The following HOXC4 variants were observed in gnomAD, a reference collection of about 807,000 sequenced individuals.
HOXC4 encodes the protein homeobox C4.
In HOXC4, 15 loss-of-function variants were observed where a neutral mutation model predicts 25.5. That is an observed-to-expected ratio of 0.59 (90% CI 0.39 to 0.91). HOXC4 has a LOEUF of 0.91. Ranked by LOEUF, HOXC4 falls within the 40% of genes least tolerant of loss-of-function variation. HOXC4 has a pLI of 0.00. For synonymous variants in HOXC4, 165 were observed against 148.0 expected (o/e 1.11, Z -0.83); for missense variants, 342 against 352.4 (o/e 0.97, Z 0.24).
intron 1 of HOXC4, among the ~76,000 whole-genome samples, chr12:54,033,733 G>C (rs1246926200): frequency 2.0e-5 from 3 of 152,236 alleles, no homozygotes; most frequent in Non-Finnish European, 4.4e-5. Flanking sequence ...GGCTGTGTGC[G>C]CCCAAATTTA....
chr12:54,028,824 T>C (rs2136436580), intron 1 of HOXC4: 1 of 1,613,846 alleles, frequency 6.2e-7, no homozygotes, highest in African/African-American at 1.3e-5. Context: ...CCTCAATCGC[T>C]CAGGATTTTA....
At chr12:54,038,700 CT>C (rs2136454647) in intron 1 of HOXC4, among the ~76,000 whole-genome samples, 1 of 152,290 alleles carries the variant, frequency 6.6e-6, no homozygotes, top group East Asian at 1.9e-4. Flanking sequence ...CTGCTTGGGT[CT>C]TCCTGGCATT....
At chr12:54,053,163 G>A (rs923123056), upstream of HOXC4, 12 of 152,334 alleles carry the variant, frequency 7.9e-5, no homozygotes, top group Admixed American at 7.9e-4. Flanking sequence ...TCTTCAGCGG[G>A]GGCTCAACCC....
chr12:54,036,683 T>C (rs1941190522), intron 1 of HOXC4, among the ~76,000 whole-genome samples: 1 of 152,184 alleles, frequency 6.6e-6, no homozygotes, highest in South Asian at 2.1e-4. Context: ...GTGCTCTCTC[T>C]CTCTCTCTCT....
intron 1 of HOXC4, chr12:54,034,749 A>G: frequency 2.0e-6 from 1 of 488,570 alleles, no homozygotes; most frequent in Non-Finnish European, 3.7e-6. Context: ...CAAGCTCCGC[A>G]GGACTTCCCC....
chr12:54,038,570 A>G (rs748052708), intron 1 of HOXC4, among the ~76,000 whole-genome samples: 4 of 152,184 alleles, frequency 2.6e-5, no homozygotes, highest in Admixed American at 1.3e-4. Context: ...CAGAGGTCCC[A>G]GAGTGCCCCC....
At chr12:54,033,821 A>T (rs944679140) in intron 1 of HOXC4, 51 of 554,028 alleles carry the variant, frequency 9.2e-5, no homozygotes, top group East Asian at 5.2e-4. Context: ...GGAGGGAGTT[A>T]AAAAAATAGA....
chr12:54,030,122 A>C, intron 1 of HOXC4: 7 of 642,494 alleles, frequency 1.1e-5, no homozygotes, highest in Middle Eastern at 2.6e-4. Flanking sequence ...TCAGCTCTGG[A>C]CCCCCTCCCT....
At chr12:54,053,822 A>G, upstream of HOXC4, 1 of 871,612 alleles carries the variant, frequency 1.1e-6, no homozygotes, top group Non-Finnish European at 1.8e-6. Context: ...CGGAGGAGTC[A>G]CATGGTGAAA....
At chr12:54,041,125 A>G (rs1161418425) in intron 1 of HOXC4, among the ~76,000 whole-genome samples, 1 of 152,276 alleles carries the variant, frequency 6.6e-6, no homozygotes, top group African/African-American at 2.4e-5. Context: ...AGGTACAGCC[A>G]CTGAAGGTGT....
chr12:54,033,864 G>C, intron 1 of HOXC4: 1 of 499,444 alleles, frequency 2.0e-6, no homozygotes, highest in Admixed American at 3.7e-5. Context: ...CGGGGCTCCA[G>C]AGCGGGGATC....
intron 1 of HOXC4, among the ~76,000 whole-genome samples, chr12:54,018,299 G>A (rs1416307631): frequency 1.3e-5 from 2 of 152,242 alleles, no homozygotes; most frequent in African/African-American, 4.8e-5. Flanking sequence ...GGACCGGGAT[G>A]CCCGCTCGCC....
intron 1 of HOXC4, among the ~76,000 whole-genome samples, chr12:54,035,820 G>C (rs1484821123): frequency 5.9e-5 from 9 of 152,112 alleles, no homozygotes; most frequent in Non-Finnish European, 4.4e-5. Flanking sequence ...GGACCCATTT[G>C]GTCTCATAAG....
chr12:54,042,337 G>A (rs921010674), intron 1 of HOXC4, among the ~76,000 whole-genome samples: 1 of 152,152 alleles, frequency 6.6e-6, no homozygotes, highest in Non-Finnish European at 1.5e-5. Context: ...CCAGTGAATG[G>A]TGTGGCAGAT....
chr12:54,025,784 C>A (rs1029879267), intron 1 of HOXC4, among the ~76,000 whole-genome samples: 7 of 152,080 alleles, frequency 4.6e-5, no homozygotes, highest in Admixed American at 2.0e-4. Context: ...CCTGAGCCCA[C>A]CGACTTTAGG....
chr12:54,029,702 CG>C, intron 1 of HOXC4: 10 of 1,614,080 alleles, frequency 6.2e-6, no homozygotes, highest in Non-Finnish European at 8.5e-6. Flanking sequence ...GATCTACTCG[CG>C]GTACCAGACC....
At chr12:54,035,313 T>G (rs1167006639) in intron 1 of HOXC4, 5 of 152,720 alleles carry the variant, frequency 3.3e-5, no homozygotes, top group African/African-American at 4.8e-5. Flanking sequence ...TCTGGGTCCT[T>G]CCTGAAACTA....
In HOXC4 at chr12:54,023,505, G is replaced by A. The variant is rs558593733; in HGVS notation, c.-124+6091G>A. Among the ~76,000 whole-genome samples the A allele has an allele frequency of 3.9e-5, 6 of 152,226 alleles. No individual in the cohort carries two copies. In the East Asian group the frequency reaches 7.7e-4, roughly 20 times the overall value. The stretch of plus-strand genomic sequence containing the variant: ...AATTGTAATAAAGCAAAAGCAGCTC[G>A]GGTAGCCTCTCAACCTCTTAGCTCA... On this transcript the variant is annotated intron_variant, in intron 1 of 3. Transcript: ENST00000303406.
chr12:54,031,727 G>A (rs149304279), intron 1 of HOXC4, among the ~76,000 whole-genome samples: 1 of 152,152 alleles, frequency 6.6e-6, no homozygotes, highest in Non-Finnish European at 1.5e-5. Context: ...GTGAGGAGGG[G>A]GCCTTCTCCT....
Sources: gnomAD v4.1 joint callset for allele counts (sites outside exome capture counted in the v4.1 genomes callset) on GRCh38, gnomAD v4.1.1 for gene constraint, MANE v1.5 for transcripts, NCBI Gene and HGNC (gene_info 2026-07-23, HGNC 2026-07-21) for gene names.